SNX14: variants seen among roughly 807,000 people sequenced by gnomAD.
SNX14 encodes the protein sorting nexin 14.
SNX14 carries 93 observed loss-of-function variants against 133.8 expected under a neutral mutation model. The observed-to-expected ratio is 0.70, with a 90% confidence interval of 0.59 to 0.83. The LOEUF is 0.83. Among genes scored for constraint, SNX14 ranks in the 40% least tolerant of loss-of-function variants. The pLI is 0.00. For missense variants in SNX14, 945 were observed against 1,094.9 expected, an observed-to-expected ratio of 0.86 and a Z score of 1.93; for synonymous variants, 368 against 365.6, an observed-to-expected ratio of 1.01 and a Z score of -0.07.
Position 85,514,055 on chromosome 6 carries a change from T to A in SNX14, c.2557+15A>T. ...GTACACAAAATATGAAACAAACACA[T>A]TAGAAAATACAAACCTCTGAGAAGT... On this transcript the variant is annotated intron_variant, in intron 25 of 28. Coordinates refer to ENST00000314673, the MANE Select transcript of SNX14 (RefSeq NM_153816.6). 6.3e-7 allele frequency: 1 copy of A among 1,594,768 alleles called. No homozygotes were observed. The highest frequency in any genetic ancestry group is 1.2e-5 in the South Asian group (1 of 86,782).
rs937576797 is a variant in SNX14 at position 85,535,968 on chromosome 6, A to C, written c.1608+824T>G. On this transcript the variant is annotated intron_variant, in intron 17 of 28. Transcript: ENST00000314673. ...CATTAAAAGGCAAAATGAGAATCCA[A>C]GATCTCTATTCAATAAAAATAAAAA... Among the ~76,000 whole-genome samples the C allele has an allele frequency of 7.2e-5, 11 of 152,306 alleles. No individual in the cohort carries two copies. The East Asian group carries it at 2.1e-3, about 29-fold the overall frequency.
chr6:85,543,469 T>C lies in SNX14; in HGVS notation c.1264+136A>G. 3.7e-6 allele frequency: 4 copies of C among 1,072,638 alleles called. No homozygotes were observed. In the South Asian group the frequency reaches 5.2e-5, roughly 14 times the overall value. The allele number at this position is 1,072,638 out of a possible 1,614,324, so 66.4% of individuals were successfully genotyped here. A position where few individuals can be genotyped will look rare whatever the true frequency, so the allele number is the denominator to read the frequency against. On this transcript the variant is annotated intron_variant, in intron 13 of 28. Coordinates refer to ENST00000314673, the MANE Select transcript of SNX14 (RefSeq NM_153816.6). ...ATAAAGTATAAATAAGTTTTTTCTTTAAAGCTTTCATCTCATTAGTAAAAT... is the reference window on the plus strand; with the variant it reads ...ATAAAGTATAAATAAGTTTTTTCTTCAAAGCTTTCATCTCATTAGTAAAAT...
intron 1 of SNX14, among the ~76,000 whole-genome samples, chr6:85,579,950 T>C (rs1450333073): frequency 6.6e-6 from 1 of 152,126 alleles, no homozygotes; most frequent in Non-Finnish European, 1.5e-5. Context: ...ATGAGAGCCT[T>C]CTATCTGGCG....
At position 85,561,472 on chromosome 6, in the gene SNX14, A is replaced by C. The variant is rs139046116; in HGVS notation, c.550-3412T>G. ...GATAAATCAATTTTTACTTATTCCA[A>C]AGTATAACTTAAATGGTTTGTCATC... On this transcript the variant is annotated intron_variant, in intron 6 of 28. Coordinates refer to ENST00000314673, the MANE Select transcript of SNX14 (RefSeq NM_153816.6). The C allele has an allele frequency of 2.0e-5, 3 of 152,364 alleles. No homozygotes were observed. In the East Asian group the frequency reaches 5.8e-4, roughly 29 times the overall value. 9.4% of individuals were successfully genotyped at this position (152,364 alleles called of 1,614,324 possible).
intron 21 of SNX14, among the ~76,000 whole-genome samples, chr6:85,524,072 C>T (rs905077646): frequency 6.6e-6 from 1 of 151,958 alleles, no homozygotes; most frequent in Non-Finnish European, 1.5e-5. Flanking sequence ...GTCCCAGCTA[C>T]TAGGGAGGCT....
rs757501154 is a variant in SNX14, at chr6:85,547,576, CA to C, written c.868-27del. ...CTAGTGGAAAATAATAAACATAAGTCAAAATAATTCCACTACTGTATTCTCC... is the reference window on the plus strand; with the variant it reads ...CTAGTGGAAAATAATAAACATAAGTCAAATAATTCCACTACTGTATTCTCC... On this transcript the variant is annotated intron_variant, in intron 9 of 28. Transcript: ENST00000314673. The C allele has an allele frequency of 2.7e-4, 419 of 1,541,806 alleles. No individual in the cohort carries two copies. In the African/African-American group the frequency reaches 5.4e-3, roughly 20 times the overall value.
At chr6:85,556,036 T>C (rs948936360) in intron 7 of SNX14, among the ~76,000 whole-genome samples, 2 of 152,018 alleles carry the variant, frequency 1.3e-5, no homozygotes, top group Non-Finnish European at 2.9e-5. Context: ...CAGACTTTAG[T>C]TAATAATGAT....
At chr6:85,506,354 T>A (rs1346868329) in intron 28 of SNX14, among the ~76,000 whole-genome samples, 1 of 152,020 alleles carries the variant, frequency 6.6e-6, no homozygotes, top group Non-Finnish European at 1.5e-5. Context: ...TCTCACTCTG[T>A]CACCCAGGCT....
At chr6:85,570,224 A>G (rs1450571582) in intron 4 of SNX14, among the ~76,000 whole-genome samples, 1 of 152,204 alleles carries the variant, frequency 6.6e-6, no homozygotes, top group Non-Finnish European at 1.5e-5. Flanking sequence ...GTTCCTACCT[A>G]TAAGATATCA....
chr6:85,538,862 C>T lies in SNX14; in HGVS notation c.1451G>A (p.Gly484Asp). Residue 484 changes from glycine (G) to aspartate (D), a missense_variant and splice_region_variant, in exon 16 of 29, where the codon GGT becomes GAT. Coordinates refer to ENST00000314673, the MANE Select transcript of SNX14 (RefSeq NM_153816.6). Reference sequence around the variant, plus strand: ...CCGAAAATCATCCAAACTTAGGCTACCTCTGCAATAACAGGTATGTGAAAT... The same window carrying T: ...CCGAAAATCATCCAAACTTAGGCTATCTCTGCAATAACAGGTATGTGAAAT... ...SPTRNSKLNR[G>D]SLSLDDFRNT... 2 of 1,596,140 alleles carry T rather than the reference C, an allele frequency of 1.3e-6. No individual in the cohort carries two copies. Among genetic ancestry groups the T allele is most frequent in the Non-Finnish European group, 1.7e-6 (2 of 1,172,794 alleles).
chr6:85,543,421 C>A, intron 13 of SNX14, 115 bp from the exon 14 acceptor site: 2 of 1,115,574 alleles, frequency 1.8e-6, no homozygotes, highest in Non-Finnish European at 1.2e-6. Flanking sequence ...TTAGACCAAC[C>A]AAGCTCTAGT....
intron 17 of SNX14, among the ~76,000 whole-genome samples, chr6:85,534,608 ACT>A (rs1781289295): frequency 6.6e-6 from 1 of 152,058 alleles, no homozygotes; most frequent in South Asian, 2.1e-4. Context: ...AACAAAGCAA[ACT>A]CTCTCAGCTT....
chr6:85,551,378 T>C (rs997340942), intron 7 of SNX14, among the ~76,000 whole-genome samples: 1 of 152,144 alleles, frequency 6.6e-6, no homozygotes, highest in African/African-American at 2.4e-5. Flanking sequence ...CTAGAAGCCA[T>C]TTAAAGAAAC....
At chr6:85,570,827 T>C (rs1000342493) in intron 4 of SNX14, among the ~76,000 whole-genome samples, 1 of 151,968 alleles carries the variant, frequency 6.6e-6, no homozygotes, top group Non-Finnish European at 1.5e-5. Context: ...CACTCCAGCC[T>C]GGGTGACAGA....
At chr6:85,524,200 A>C (rs1200766129) in intron 21 of SNX14, among the ~76,000 whole-genome samples, 1 of 152,110 alleles carries the variant, frequency 6.6e-6, no homozygotes, top group Non-Finnish European at 1.5e-5. Context: ...AAAAGAAAGA[A>C]AGAAAGAAAG....
At position 85,549,776 on chromosome 6, in the gene SNX14, T is replaced by C; in HGVS notation, c.738A>G (p.Lys246=). 6.2e-7 allele frequency: 1 copy of C among 1,613,946 alleles called. No homozygotes were observed. The highest frequency in any genetic ancestry group is 8.5e-7 in the Non-Finnish European group (1 of 1,179,916). Residue 246 remains lysine, a synonymous_variant, in exon 8 of 29, where the codon AAA becomes AAG. Coordinates refer to ENST00000314673, the MANE Select transcript of SNX14 (RefSeq NM_153816.6). ...SRRDELHYLR[K]LTELLFPYIL... ...TATAAGGAAAAAGCAGTTCAGTAAGTTTCCTTAAATAGTGCAATTCATCTC... is the reference window on the plus strand; with the variant it reads ...TATAAGGAAAAAGCAGTTCAGTAAGCTTCCTTAAATAGTGCAATTCATCTC...
In SNX14 at chr6:85,547,164, G is replaced by A. The variant is rs1272547217; in HGVS notation, c.1056C>T (p.Asn352=). 5 of 1,613,852 alleles carry A rather than the reference G, an allele frequency of 3.1e-6. No individual in the cohort carries two copies. The African/African-American group carries it at 5.3e-5, about 17-fold the overall frequency. The change falls in exon 12 of 29, where the codon AAC becomes AAT. Residue 352 remains asparagine (N), a synonymous_variant. Coordinates refer to ENST00000314673, the MANE Select transcript of SNX14 (RefSeq NM_153816.6). ...GCACTGCGCCTTCTTGTTTCAGAAA[G>A]TTCATAAAACGAAATAAAAGATCTT... The part of the protein sequence containing the change: ...EQQDLLFRFM[N]FLKQEGAVHV...
chr6:85,542,130 TG>T, intron 14 of SNX14, 87 bp from the exon 15 acceptor site: 1 of 908,816 alleles, frequency 1.1e-6, no homozygotes, highest in Admixed American at 3.4e-5. Context: ...TTTCCAGTTT[TG>T]GGAAAAAAAA....
Position 85,542,131 on chromosome 6 carries a change from G to A in SNX14, c.1390-88C>T, listed in dbSNP as rs978547963. The A allele has an allele frequency of 1.5e-4, 133 of 874,008 alleles. 1 individual carries two copies. The highest frequency in any genetic ancestry group is 7.3e-4 in the Middle Eastern group (2 of 2,722). The allele number at this position is 874,008 out of a possible 1,614,324, so 54.1% of individuals were successfully genotyped here. A position where few individuals can be genotyped will look rare whatever the true frequency, so the allele number is the denominator to read the frequency against. On this transcript the variant is annotated intron_variant, in intron 14 of 28. Coordinates refer to ENST00000314673, the MANE Select transcript of SNX14 (RefSeq NM_153816.6). ...CCTTAGTTTACTACTTTCCAGTTTTGGGAAAAAAAAAAAGCTATCTCAATC... is the reference window on the plus strand; with the variant it reads ...CCTTAGTTTACTACTTTCCAGTTTTAGGAAAAAAAAAAAGCTATCTCAATC...
Sources: allele counts gnomAD v4.1 joint callset (sites outside exome capture counted in the v4.1 genomes callset), GRCh38; gene constraint gnomAD v4.1.1; transcripts MANE v1.5; gene names NCBI Gene and HGNC (gene_info 2026-07-23, HGNC 2026-07-21).